Variants in MYO16 observed in about 807,000 individuals in gnomAD.
MYO16 encodes the protein myosin XVI, also known as unconventional myosin-XVI.
In MYO16, 94 loss-of-function variants were observed where a neutral mutation model predicts 205.3. The observed-to-expected ratio is 0.46, with a 90% CI of 0.39 to 0.54. The LOEUF (loss-of-function observed/expected upper bound fraction) is 0.54, where lower values mean the gene tolerates loss of function less well. Ranked by LOEUF, MYO16 falls within the 20% of genes least tolerant of loss-of-function variation. The pLI is 0.00. For missense variants in MYO16, 2,315 were observed against 2,387.5 expected (o/e 0.97, Z 0.63); for synonymous variants, 988 against 954.0 (o/e 1.04, Z -0.66).
intron 11 of MYO16, among the ~76,000 whole-genome samples, chr13:108,859,651 G>A (rs530844936): frequency 3.3e-5 from 5 of 152,172 alleles, no homozygotes; most frequent in South Asian, 2.1e-4. Context: ...ACACATGCTC[G>A]CCAGGAAATG....
the MYO16 span, among the ~76,000 whole-genome samples, chr13:108,588,740 A>G: frequency 6.6e-6 from 1 of 152,062 alleles, no homozygotes; most frequent in Admixed American, 6.6e-5. Context: ...CGTGACATAC[A>G]CTGTTAGTGA....
intron 4 of MYO16, among the ~76,000 whole-genome samples, chr13:108,769,657 G>A (rs1885897221): frequency 1.3e-5 from 2 of 152,282 alleles, no homozygotes; most frequent in South Asian, 2.1e-4. Flanking sequence ...GAGCAAGACC[G>A]GGTGGTTCTG....
the MYO16 span, among the ~76,000 whole-genome samples, chr13:108,521,037 C>T: frequency 6.6e-6 from 1 of 152,140 alleles, no homozygotes; most frequent in African/African-American, 2.4e-5. Flanking sequence ...CTTCTTCTGT[C>T]ACTTCCTCCA....
rs780747617 is a variant in MYO16, at chr13:108,683,374, C to G, written c.292+17225C>G. 4.6e-5 allele frequency among the ~76,000 whole-genome samples: 7 copies of G among 151,952 alleles called. No homozygotes were observed. The South Asian group carries it at 1.2e-3, about 27-fold the overall frequency. ...CCTCCTGTTCTATAGTAGCCTTTGA[C>G]GACAGACAGTAAGAATTACTGATTA... is the stretch of plus-strand genomic sequence containing the variant. On this transcript the variant is annotated intron_variant, in intron 2 of 34. Coordinates refer to ENST00000457511, the MANE Select transcript of MYO16 (RefSeq NM_001198950.3).
the MYO16 span, among the ~76,000 whole-genome samples, chr13:108,543,644 GAAAAAAAA>G: frequency 3.1e-3 from 241 of 77,506 alleles, no homozygotes; most frequent in African/African-American, 9.9e-3. Context: ...TCCCTCTCAA[GAAAAAAAA>G]AAAAAAAAAA....
chr13:108,915,857 T>C (rs1445756079), intron 16 of MYO16, among the ~76,000 whole-genome samples: 7 of 152,114 alleles, frequency 4.6e-5, no homozygotes, highest in Non-Finnish European at 8.8e-5. Context: ...TTCTAACCCA[T>C]GTGGCCATGA....
At chr13:108,740,511 G>C (rs912920676) in intron 4 of MYO16, among the ~76,000 whole-genome samples, 1 of 152,058 alleles carries the variant, frequency 6.6e-6, no homozygotes, top group African/African-American at 2.4e-5. Flanking sequence ...ATCTCAGAGG[G>C]GTACCCAGCC....
At chr13:108,697,378 T>C (rs1883131724) in intron 2 of MYO16, among the ~76,000 whole-genome samples, 1 of 152,162 alleles carries the variant, frequency 6.6e-6, no homozygotes, top group Admixed American at 6.5e-5. Flanking sequence ...TAAAGTCCTA[T>C]CCCCAGCTAT....
At chr13:108,972,529 T>A (rs1204975875) in intron 20 of MYO16, among the ~76,000 whole-genome samples, 2 of 149,232 alleles carry the variant, frequency 1.3e-5, no homozygotes, top group Non-Finnish European at 3.0e-5. Context: ...TACATTTCAC[T>A]CGTGATCTTT....
chr13:108,718,072 C>T (rs1884018868), intron 3 of MYO16, among the ~76,000 whole-genome samples: 1 of 152,120 alleles, frequency 6.6e-6, no homozygotes, highest in Non-Finnish European at 1.5e-5. Flanking sequence ...GGCTTGCATG[C>T]TATAAGAAGC....
the MYO16 span, among the ~76,000 whole-genome samples, chr13:108,501,481 T>G: frequency 6.6e-6 from 1 of 152,212 alleles, no homozygotes; most frequent in African/African-American, 2.4e-5. Flanking sequence ...AAAAGAAAAC[T>G]CAGAGAGACT....
At chr13:109,166,227 CA>C (rs1878654277) in intron 33 of MYO16, among the ~76,000 whole-genome samples, 1 of 152,092 alleles carries the variant, frequency 6.6e-6, no homozygotes, top group Non-Finnish European at 1.5e-5. Flanking sequence ...CGAAATAAAA[CA>C]ACGAGAATTT....
intron 4 of MYO16, among the ~76,000 whole-genome samples, chr13:108,774,147 G>T (rs1283519243): frequency 1.3e-5 from 2 of 152,120 alleles, no homozygotes; most frequent in East Asian, 3.9e-4. Context: ...GTATTAATGT[G>T]TTAGAGAACT....
At chr13:108,658,426 T>TTGTGTGTGTGTGTGTGTGTG (rs145187326) in intron 1 of MYO16, among the ~76,000 whole-genome samples, 1 of 145,188 alleles carries the variant, frequency 6.9e-6, no homozygotes, top group African/African-American at 2.5e-5. Flanking sequence ...TGTTTCAACT[T>TTGTGTGTGTGTGTGTGTGTG]TGTGTGTGTG....
chr13:108,524,310 AAAAAT>A, the MYO16 span, among the ~76,000 whole-genome samples: 22 of 5,762 alleles, frequency 3.8e-3, 1 homozygote, highest in Non-Finnish European at 5.1e-3. Context: ...GTCTCCAAAA[AAAAAT>A]AAATAAATAA....
chr13:109,148,655 C>T (rs1877474016), intron 32 of MYO16, among the ~76,000 whole-genome samples: 1 of 152,180 alleles, frequency 6.6e-6, no homozygotes, highest in Non-Finnish European at 1.5e-5. Context: ...GTATACATGC[C>T]ACTTGTTTGG....
At chr13:109,112,580 A>C (rs1193559713) in intron 28 of MYO16, among the ~76,000 whole-genome samples, 1 of 152,018 alleles carries the variant, frequency 6.6e-6, no homozygotes, top group Non-Finnish European at 1.5e-5. Flanking sequence ...ACATGGAGAA[A>C]CCCTGTTTCC....
intron 16 of MYO16, among the ~76,000 whole-genome samples, chr13:108,915,653 C>G (rs1168068477): frequency 6.6e-6 from 1 of 152,156 alleles, no homozygotes. Flanking sequence ...CTTCAGCATA[C>G]TTTAAATAGC....
At chr13:108,548,545 C>A in the MYO16 span, among the ~76,000 whole-genome samples, 3 of 143,550 alleles carry the variant, frequency 2.1e-5, no homozygotes, top group Admixed American at 7.0e-5. Context: ...ATGATGATGA[C>A]AGTGATAGGA....
Sources: gnomAD v4.1 joint callset for allele counts (sites outside exome capture counted in the v4.1 genomes callset) on GRCh38, gnomAD v4.1.1 for gene constraint, MANE v1.5 for transcripts, NCBI Gene and HGNC (gene_info 2026-07-23, HGNC 2026-07-21) for gene names.